The following CFAP69 variants were observed in gnomAD, a reference collection of about 807,000 sequenced individuals.
CFAP69 encodes the protein cilia- and flagella-associated protein 69.
A neutral mutation model predicts 123.0 loss-of-function variants in CFAP69; 92 were observed. That is an observed-to-expected ratio of 0.75 (90% CI 0.63 to 0.89). The LOEUF (loss-of-function observed/expected upper bound fraction) is 0.89, where lower values mean the gene tolerates loss of function less well. Ranked by LOEUF, CFAP69 falls within the 40% of genes least tolerant of loss-of-function variation. CFAP69 has a pLI of 0.00. For missense variants in CFAP69, 1,067 were observed against 1,096.9 expected (o/e 0.97, Z 0.39); for synonymous variants, 380 against 364.3 (o/e 1.04, Z -0.49).
At chr7:90,264,091 G>C (rs1463794899) in intron 4 of CFAP69, among the ~76,000 whole-genome samples, 1 of 17,992 alleles carries the variant, frequency 5.6e-5, no homozygotes, top group Non-Finnish European at 8.9e-5. Flanking sequence ...ACTCCATCTC[G>C]AAAAAAAAAA....
chr7:90,308,632 A>G (rs1399036170), intron 21 of CFAP69, among the ~76,000 whole-genome samples: 1 of 152,178 alleles, frequency 6.6e-6, no homozygotes, highest in African/African-American at 2.4e-5. Context: ...AGCTCACTCA[A>G]GGTACCAAGT....
At chr7:90,256,984 A>T (rs17866345) in intron 2 of CFAP69, among the ~76,000 whole-genome samples, 6,986 of 152,326 alleles carry the variant, frequency 0.046, 216 homozygotes, top group South Asian at 0.11. Flanking sequence ...GAAGTTAAAA[A>T]TACAATCTCT....
chr7:90,294,886 G>C (rs1791701275), intron 15 of CFAP69, among the ~76,000 whole-genome samples: 1 of 152,188 alleles, frequency 6.6e-6, no homozygotes, highest in Non-Finnish European at 1.5e-5. Context: ...TTTGCACAGA[G>C]GGGAAGGGAA....
chr7:90,290,358 G>T (rs1790949223), intron 15 of CFAP69, among the ~76,000 whole-genome samples: 1 of 152,122 alleles, frequency 6.6e-6, no homozygotes, highest in South Asian at 2.1e-4. Flanking sequence ...AGCCCAAGAA[G>T]AGCAAATATT....
chr7:90,307,287 T>C (rs1382462961), intron 20 of CFAP69, among the ~76,000 whole-genome samples, 189 bp downstream of exon 20: 2 of 152,140 alleles, frequency 1.3e-5, no homozygotes, highest in East Asian at 3.8e-4. Flanking sequence ...ATGATAAGTG[T>C]TTAAGGGGAT....
chr7:90,284,339 G>C (rs562940444), intron 13 of CFAP69, among the ~76,000 whole-genome samples: 1 of 152,218 alleles, frequency 6.6e-6, no homozygotes, highest in South Asian at 2.1e-4. Context: ...AGTGTACACT[G>C]CTTGGTGACA....
At chr7:90,259,488 G>A (rs1253771027) in intron 3 of CFAP69, among the ~76,000 whole-genome samples, 2 of 152,136 alleles carry the variant, frequency 1.3e-5, no homozygotes, top group African/African-American at 2.4e-5. Flanking sequence ...TTGTTTGTTT[G>A]TTTGTTTGTT....
At chr7:90,282,280 T>C (rs1216911547) in intron 12 of CFAP69, among the ~76,000 whole-genome samples, 4 of 151,934 alleles carry the variant, frequency 2.6e-5, no homozygotes, top group Non-Finnish European at 4.4e-5. Flanking sequence ...GCCCAGGAGA[T>C]TGAGACTTCA....
chr7:90,306,124 C>T (rs1474864223), intron 19 of CFAP69, among the ~76,000 whole-genome samples: 21 of 68,144 alleles, frequency 3.1e-4, no homozygotes, highest in South Asian at 5.6e-4. Context: ...TGGGGGGGGG[C>T]GGGGCGGGGT....
downstream of CFAP69, among the ~76,000 whole-genome samples, chr7:90,314,582 T>C (rs1444759009): frequency 1.3e-5 from 2 of 151,652 alleles, no homozygotes; most frequent in East Asian, 1.9e-4. Flanking sequence ...TGAGCCGTGA[T>C]TGCACCACTG....
At chr7:90,297,431 CA>C (rs1047341738) in intron 15 of CFAP69, among the ~76,000 whole-genome samples, 5 of 151,618 alleles carry the variant, frequency 3.3e-5, no homozygotes, top group Non-Finnish European at 7.4e-5. Context: ...ATATATCTTG[CA>C]AAAAAAGTTA....
intron 1 of CFAP69, among the ~76,000 whole-genome samples, chr7:90,253,572 A>G (rs1304755228): frequency 1.3e-5 from 2 of 151,970 alleles, no homozygotes; most frequent in Non-Finnish European, 2.9e-5. Context: ...TTGTATTTTT[A>G]GTAAAGACAG....
intron 17 of CFAP69, chr7:90,302,978 C>T (rs537774141): frequency 4.5e-4 from 68 of 152,252 alleles, no homozygotes; most frequent in Admixed American, 3.7e-3. Context: ...TTGTTTGTGT[C>T]ATCTCTGATT....
chr7:90,313,144 ATTC>A (rs1176069051), downstream of CFAP69, among the ~76,000 whole-genome samples: 2 of 152,314 alleles, frequency 1.3e-5, no homozygotes, highest in Non-Finnish European at 2.9e-5. Flanking sequence ...TTCTTTCATC[ATTC>A]TTCTGATAAT....
chr7:90,273,948 A>G (rs1800361983), intron 8 of CFAP69, 39 bp from the exon 9 acceptor site: 1 of 1,470,122 alleles, frequency 6.8e-7, no homozygotes, highest in Non-Finnish European at 9.3e-7. Context: ...CATTTAGTGT[A>G]TAACAATATA....
intron 5 of CFAP69, among the ~76,000 whole-genome samples, chr7:90,267,544 A>T (rs1799320587): frequency 6.6e-6 from 1 of 152,196 alleles, no homozygotes; most frequent in Non-Finnish European, 1.5e-5. Context: ...ATACAGGCTG[A>T]AGCCAATTTA....
rs1793327548 is a variant in CFAP69, at chr7:90,304,817, T to C, written c.2262T>C (p.Phe754=). 2 of 1,451,126 alleles carry C rather than the reference T, an allele frequency of 1.4e-6. No individual in the cohort carries two copies. The highest frequency in any genetic ancestry group is 2.8e-5 in the African/African-American group (2 of 70,748). 89.9% of individuals were successfully genotyped at this position (1,451,126 alleles called of 1,614,324 possible). ...TLCIIHRYLD[F]KIGEIWNEIY... is the part of the protein sequence containing the mutation. ...GTATCATACATAGATATCTTGATTT[T>C]AAAGTAAGTATCTTTTTAATAACCT... Residue 754 remains phenylalanine, a synonymous_variant, in exon 19 of 23, where the codon TTT becomes TTC. Coordinates refer to ENST00000389297, the MANE Select transcript of CFAP69 (RefSeq NM_001039706.3).
chr7:90,304,635 T>TTAGATAGG, intron 18 of CFAP69, 109 bp from the exon 19 acceptor site: 1 of 1,445,728 alleles, frequency 6.9e-7, no homozygotes, highest in Non-Finnish European at 9.0e-7. Flanking sequence ...GCATTTGTTT[T>TTAGATAGG]TAGATAGGTA....
At chr7:90,281,535 G>A (rs1305489902) in intron 12 of CFAP69, among the ~76,000 whole-genome samples, 2 of 151,926 alleles carry the variant, frequency 1.3e-5, no homozygotes, top group Non-Finnish European at 2.9e-5. Context: ...GTGGTGTTGG[G>A]GCAGTTGGTC....
Sources: gnomAD v4.1 joint callset for allele counts (sites outside exome capture counted in the v4.1 genomes callset) on GRCh38, gnomAD v4.1.1 for gene constraint, MANE v1.5 for transcripts, NCBI Gene and HGNC (gene_info 2026-07-23, HGNC 2026-07-21) for gene names.